The following COL26A1 variants were observed in gnomAD, a reference collection of about 807,000 sequenced individuals.
COL26A1 encodes the protein collagen type XXVI alpha 1 chain.
Under a neutral mutation model 59.3 loss-of-function variants are expected in COL26A1, and 41 were observed. The ratio of observed to expected loss-of-function variants is 0.69; its 90% confidence interval spans 0.54 to 0.90. The LOEUF (loss-of-function observed/expected upper bound fraction) is 0.90. Ranked by LOEUF, COL26A1 falls within the 40% of genes least tolerant of loss-of-function variation. The pLI is 0.00. For missense variants in COL26A1, 612 were observed against 602.3 expected, an observed-to-expected ratio of 1.02 and a Z score of -0.17; for synonymous variants, 266 against 256.0, an observed-to-expected ratio of 1.04 and a Z score of -0.37.
At chr7:101,471,571 G>GTTGTTTT (rs1793903750) in intron 3 of COL26A1, among the ~76,000 whole-genome samples, 3 of 93,014 alleles carry the variant, frequency 3.2e-5, no homozygotes, top group African/African-American at 1.2e-4. Flanking sequence ...GTTGTTGTTT[G>GTTGTTTT]TTTTTTTTTT....
intron 3 of COL26A1, among the ~76,000 whole-genome samples, chr7:101,522,042 T>C (rs1795150577): frequency 6.6e-6 from 1 of 152,162 alleles, no homozygotes; most frequent in African/African-American, 2.4e-5. Context: ...GTTTCTAATT[T>C]TGGGTTATTC....
intron 3 of COL26A1, among the ~76,000 whole-genome samples, chr7:101,531,796 G>A (rs1481302691): frequency 1.3e-5 from 2 of 151,924 alleles, no homozygotes; most frequent in Non-Finnish European, 2.9e-5. Flanking sequence ...TTAAGGACAG[G>A]GAACATTTCA....
chr7:101,517,355 C>T (rs113548816), intron 3 of COL26A1, among the ~76,000 whole-genome samples: 1 of 150,802 alleles, frequency 6.6e-6, no homozygotes, highest in African/African-American at 2.5e-5. Context: ...TAAAGACATA[C>T]CCAAGATTGG....
chr7:101,490,233 G>A (rs1434061678), intron 3 of COL26A1, among the ~76,000 whole-genome samples: 2 of 151,844 alleles, frequency 1.3e-5, no homozygotes, highest in South Asian at 2.1e-4. Flanking sequence ...ACCGTGCCGG[G>A]CCTTTTTAAA....
intron 3 of COL26A1, among the ~76,000 whole-genome samples, chr7:101,499,948 G>T (rs1794667128): frequency 6.6e-6 from 1 of 151,558 alleles, no homozygotes; most frequent in South Asian, 2.1e-4. Flanking sequence ...CAGGCACAGT[G>T]GGTAGGGGCA....
At chr7:101,468,132 G>A (rs914303074) in intron 3 of COL26A1, among the ~76,000 whole-genome samples, 6 of 151,632 alleles carry the variant, frequency 4.0e-5, no homozygotes, top group African/African-American at 4.8e-5. Context: ...GTGAAACCCC[G>A]TCTCTACTAA....
At chr7:101,395,500 A>T (rs1289154693) in intron 1 of COL26A1, among the ~76,000 whole-genome samples, 4 of 152,178 alleles carry the variant, frequency 2.6e-5, no homozygotes, top group Admixed American at 2.0e-4. Context: ...CACTCTTGGG[A>T]TGAGGCTAGG....
chr7:101,499,158 A>G (rs1402435306), intron 3 of COL26A1, among the ~76,000 whole-genome samples: 1 of 152,160 alleles, frequency 6.6e-6, no homozygotes, highest in African/African-American at 2.4e-5. Context: ...GATCCCTGGC[A>G]CTGGCTGACC....
At chr7:101,517,469 T>C (rs1204800233) in intron 3 of COL26A1, among the ~76,000 whole-genome samples, 2 of 152,122 alleles carry the variant, frequency 1.3e-5, no homozygotes, top group Admixed American at 1.3e-4. Flanking sequence ...CCTTCCGCCA[T>C]GATTGTGAGA....
At chr7:101,531,662 G>A (rs1050397918) in intron 3 of COL26A1, among the ~76,000 whole-genome samples, 3 of 152,114 alleles carry the variant, frequency 2.0e-5, no homozygotes, top group East Asian at 3.9e-4. Flanking sequence ...ACCCGAGACT[G>A]AGCACCCTGA....
At chr7:101,505,079 A>G (rs527282989) in intron 3 of COL26A1, among the ~76,000 whole-genome samples, 14 of 152,180 alleles carry the variant, frequency 9.2e-5, no homozygotes, top group Non-Finnish European at 4.4e-5. Context: ...GGCTTGAACC[A>G]GTGAGCAGAG....
At chr7:101,473,634 ACACACACACACAC>A (rs768419077) in intron 3 of COL26A1, among the ~76,000 whole-genome samples, 1,579 of 151,112 alleles carry the variant, frequency 0.01, 26 homozygotes, top group Non-Finnish European at 0.014. Context: ...ACACACACAC[ACACACACACACAC>A]ACACACAAAC....
At chr7:101,426,968 G>A (rs1182930984) in intron 2 of COL26A1, among the ~76,000 whole-genome samples, 2 of 152,166 alleles carry the variant, frequency 1.3e-5, no homozygotes, top group African/African-American at 2.4e-5. Flanking sequence ...CATCCTGCCT[G>A]CTCAGTGTGT....
intron 3 of COL26A1, among the ~76,000 whole-genome samples, chr7:101,491,949 C>CCTGG (rs1794469831): frequency 6.6e-6 from 1 of 152,098 alleles, no homozygotes; most frequent in Admixed American, 6.6e-5. Flanking sequence ...AGTTGGAGGA[C>CCTGG]CTGGCATTTG....
intron 3 of COL26A1, among the ~76,000 whole-genome samples, chr7:101,508,730 G>A (rs1479490977): frequency 6.6e-6 from 1 of 152,116 alleles, no homozygotes; most frequent in East Asian, 1.9e-4. Context: ...GATGAAGGAG[G>A]AGAGACCCCT....
At chr7:101,555,918 T>C in intron 12 of COL26A1, 47 bp downstream of exon 12, 1 of 1,490,024 alleles carries the variant, frequency 6.7e-7, no homozygotes, top group Non-Finnish European at 9.2e-7. Context: ...TCTCCCCTCC[T>C]TCCTCTCCCA....
At chr7:101,379,201 C>T (rs9986718) in intron 1 of COL26A1, among the ~76,000 whole-genome samples, 9,225 of 152,178 alleles carry the variant, frequency 0.061, 641 homozygotes, top group African/African-American at 0.16. Context: ...GCCCCGGGCA[C>T]CCATTTCTGC....
chr7:101,522,012 C>A (rs953872051), intron 3 of COL26A1, among the ~76,000 whole-genome samples: 6 of 152,098 alleles, frequency 3.9e-5, no homozygotes, highest in African/African-American at 1.2e-4. Flanking sequence ...TCCAGTTGGC[C>A]ATTAATAGGA....
At chr7:101,454,359 A>G (rs1217869782) in intron 3 of COL26A1, among the ~76,000 whole-genome samples, 1 of 149,546 alleles carries the variant, frequency 6.7e-6, no homozygotes, top group Non-Finnish European at 1.5e-5. Flanking sequence ...CCCAGGTTCA[A>G]GTGATTCTCC....
Sources: gnomAD v4.1 joint callset for allele counts (sites outside exome capture counted in the v4.1 genomes callset) on GRCh38, gnomAD v4.1.1 for gene constraint, MANE v1.5 for transcripts, NCBI Gene and HGNC (gene_info 2026-07-23, HGNC 2026-07-21) for gene names.